The following RBMS3 variants were observed in gnomAD, a reference collection of about 807,000 sequenced individuals.
The protein encoded by RBMS3 is RNA binding motif single stranded interacting protein 3, also known as RNA-binding motif, single-stranded-interacting protein 3.
A neutral mutation model predicts 66.8 loss-of-function variants in RBMS3; 27 were observed. The ratio of observed to expected loss-of-function variants is 0.40; its 90% CI spans 0.30 to 0.56. The LOEUF is 0.56. Ranked by LOEUF, RBMS3 falls within the 20% of genes least tolerant of loss-of-function variation. The pLI, the probability that RBMS3 is intolerant of heterozygous loss-of-function variation, is 0.40. For synonymous variants in RBMS3, 188 were observed against 183.0 expected (o/e 1.03, Z -0.22); for missense variants, 513 against 549.5 (o/e 0.93, Z 0.66).
intron 2 of RBMS3, among the ~76,000 whole-genome samples, chr3:29,461,094 C>T (rs2042353676): frequency 6.6e-6 from 1 of 152,140 alleles, no homozygotes; most frequent in African/African-American, 2.4e-5. Context: ...TTGTCATTTT[C>T]CAACTTGATT....
intron 6 of RBMS3, among the ~76,000 whole-genome samples, chr3:29,788,495 G>T (rs994006502): frequency 6.6e-6 from 1 of 152,092 alleles, no homozygotes; most frequent in Non-Finnish European, 1.5e-5. Flanking sequence ...AAAGTGCAGG[G>T]ATTACAGGCA....
At chr3:29,993,729 C>T (rs1309442690) in intron 14 of RBMS3, among the ~76,000 whole-genome samples, 1 of 152,156 alleles carries the variant, frequency 6.6e-6, no homozygotes, top group Admixed American at 6.5e-5. Context: ...AGATCTTGAG[C>T]CTGCCAGCTA....
chr3:29,731,186 T>A (rs1254531071), intron 4 of RBMS3, among the ~76,000 whole-genome samples: 1 of 152,200 alleles, frequency 6.6e-6, no homozygotes, highest in Non-Finnish European at 1.5e-5. Flanking sequence ...CCCTGCTGAG[T>A]TTGTTCTCCA....
chr3:29,775,162 A>G lies in RBMS3; in HGVS notation c.637+12173A>G, dbSNP rs78950139. On this transcript the variant is annotated intron_variant, in intron 6 of 14. Transcript: ENST00000383767. ...CACTTTTTTTGGTCTTATTTTGAGAACCTACGTATGTTCTAGGAAGCTAGT... is the reference window on the plus strand; with the variant it reads ...CACTTTTTTTGGTCTTATTTTGAGAGCCTACGTATGTTCTAGGAAGCTAGT... 3.1e-4 allele frequency among the ~76,000 whole-genome samples: 47 copies of G among 152,038 alleles called. No individual in the cohort carries two copies. In the East Asian group the frequency reaches 8.7e-3, roughly 28 times the overall value.
intron 12 of RBMS3, among the ~76,000 whole-genome samples, chr3:29,976,972 C>T (rs1399026762): frequency 1.3e-5 from 2 of 152,110 alleles, no homozygotes; most frequent in African/African-American, 4.8e-5. Context: ...AAATTTTGAA[C>T]TACTTGCTTT....
At chr3:29,680,303 A>G (rs2051433150) in intron 4 of RBMS3, among the ~76,000 whole-genome samples, 1 of 152,224 alleles carries the variant, frequency 6.6e-6, no homozygotes, top group Non-Finnish European at 1.5e-5. Context: ...GCCTAACAGA[A>G]GTGCTGGGTT....
At chr3:29,824,232 G>A (rs1440359741) in intron 6 of RBMS3, among the ~76,000 whole-genome samples, 4 of 151,572 alleles carry the variant, frequency 2.6e-5, no homozygotes, top group Non-Finnish European at 5.9e-5. Context: ...TGCATGAATG[G>A]GATTAATGTC....
Position 29,333,580 on chromosome 3 carries a change from A to G in RBMS3, c.75+51824A>G, listed in dbSNP as rs370352680. 2.0e-5 allele frequency among the ~76,000 whole-genome samples: 3 copies of G among 152,208 alleles called. No individual in the cohort carries two copies. In the East Asian group the frequency reaches 5.8e-4, roughly 29 times the overall value. On this transcript the variant is annotated intron_variant, in intron 1 of 14. Coordinates refer to ENST00000383767, the MANE Select transcript of RBMS3 (RefSeq NM_001003793.3). ...TTAAATTTATAGTGAAGCTACAATT[A>G]AGGTGATTTAGTATAGTCCCTATTC...
chr3:29,936,678 A>G (rs2061272855), intron 11 of RBMS3, among the ~76,000 whole-genome samples: 1 of 152,048 alleles, frequency 6.6e-6, no homozygotes, highest in African/African-American at 2.4e-5. Context: ...TCTTTCTGAT[A>G]TGTTGATATG....
intron 10 of RBMS3, among the ~76,000 whole-genome samples, chr3:29,928,911 G>A (rs891038919): frequency 1.3e-5 from 2 of 152,158 alleles, no homozygotes; most frequent in Non-Finnish European, 2.9e-5. Context: ...TTAGTTATGC[G>A]ATTGGAATCA....
At chr3:29,604,637 G>A (rs2048261188) in intron 4 of RBMS3, among the ~76,000 whole-genome samples, 1 of 151,978 alleles carries the variant, frequency 6.6e-6, no homozygotes, top group Non-Finnish European at 1.5e-5. Flanking sequence ...ACCTGCAAAT[G>A]AGCTCAGATA....
intron 3 of RBMS3, among the ~76,000 whole-genome samples, chr3:29,533,483 A>G (rs576997080): frequency 2.0e-4 from 30 of 152,156 alleles, no homozygotes; most frequent in African/African-American, 7.2e-4. Context: ...CCCTATCTCA[A>G]AATAAAAATA....
chr3:29,697,778 G>A (rs1325330257), intron 4 of RBMS3, among the ~76,000 whole-genome samples: 1 of 152,132 alleles, frequency 6.6e-6, no homozygotes, highest in Non-Finnish European at 1.5e-5. Context: ...AGTTGCGACT[G>A]TTTTTTCTGC....
At chr3:29,681,913 T>G (rs184542713) in intron 4 of RBMS3, among the ~76,000 whole-genome samples, 1 of 152,310 alleles carries the variant, frequency 6.6e-6, no homozygotes, top group African/African-American at 2.4e-5. Flanking sequence ...CCTCTAGGTC[T>G]TTGAGGAACC....
chr3:29,425,217 A>AAC (rs1491560012), intron 1 of RBMS3, among the ~76,000 whole-genome samples: 8 of 47,408 alleles, frequency 1.7e-4, no homozygotes, highest in South Asian at 7.6e-4. Flanking sequence ...CAAAAAAAAC[A>AAC]AAAAAAAAAA....
At chr3:29,517,566 G>A (rs771181040) in intron 3 of RBMS3, among the ~76,000 whole-genome samples, 24 of 151,980 alleles carry the variant, frequency 1.6e-4, no homozygotes, top group Non-Finnish European at 2.9e-4. Context: ...CTCGTGATCC[G>A]CCTTCCTCGG....
intron 10 of RBMS3, among the ~76,000 whole-genome samples, chr3:29,911,845 G>A (rs951677812): frequency 5.9e-5 from 9 of 152,100 alleles, no homozygotes; most frequent in African/African-American, 2.2e-4. Flanking sequence ...TTCCATTGAT[G>A]CCATCTTAGA....
At chr3:29,729,132 T>G (rs1343024578) in intron 4 of RBMS3, among the ~76,000 whole-genome samples, 3 of 125,116 alleles carry the variant, frequency 2.4e-5, no homozygotes, top group Admixed American at 8.2e-5. Context: ...ATCCCTCCCC[T>G]ACCGCCCCAC....
chr3:30,000,299 C>T (rs1023690564), intron 14 of RBMS3, among the ~76,000 whole-genome samples: 3 of 152,130 alleles, frequency 2.0e-5, no homozygotes, highest in Non-Finnish European at 2.9e-5. Flanking sequence ...AGCTCATCAC[C>T]ACTGATTATC....
Sources: gnomAD v4.1 joint callset for allele counts (sites outside exome capture counted in the v4.1 genomes callset) on GRCh38, gnomAD v4.1.1 for gene constraint, MANE v1.5 for transcripts, NCBI Gene and HGNC (gene_info 2026-07-23, HGNC 2026-07-21) for gene names.